Variants in CNOT1 observed in about 807,000 individuals in gnomAD.
The protein encoded by CNOT1 is CCR4-associated factor 1.
Under a neutral mutation model 273.8 loss-of-function variants are expected in CNOT1, and 15 were observed. That is an observed-to-expected ratio of 0.05 (90% CI 0.04 to 0.08). CNOT1 has a LOEUF of 0.08. CNOT1 is among the 10% of genes least tolerant of loss of function. CNOT1 has a pLI of 1.00. For synonymous variants in CNOT1, 1,022 were observed against 1,005.5 expected, an observed-to-expected ratio of 1.02 and a Z score of -0.31; for missense variants, 1,644 against 2,912.2, an observed-to-expected ratio of 0.56 and a Z score of 10.02.
In CNOT1 at chr16:58,565,146, G is replaced by T. The variant is rs182297610; in HGVS notation, c.1980-4784C>A. On this transcript the variant is annotated intron_variant, in intron 16 of 48. Transcript: ENST00000317147. Reference sequence around the variant, plus strand: ...TGTTTTCTTCTTTTTTTGAGACAGGGTCTCACTGTCGCCCAGGCAGGAATG... The same window carrying T: ...TGTTTTCTTCTTTTTTTGAGACAGGTTCTCACTGTCGCCCAGGCAGGAATG... Among the ~76,000 whole-genome samples the T allele has an allele frequency of 1.9e-3, 286 of 152,118 alleles. 4 individuals are homozygous for T. The highest frequency in any genetic ancestry group is 1.5e-3 in the Non-Finnish European group (99 of 67,990).
intron 1 of CNOT1, among the ~76,000 whole-genome samples, chr16:58,606,890 T>C (rs1054696792): frequency 1.3e-5 from 2 of 151,152 alleles, no homozygotes; most frequent in Non-Finnish European, 2.9e-5. Flanking sequence ...AATATAGTTT[T>C]GCCATACATA....
intron 25 of CNOT1, 126 bp downstream of exon 25, chr16:58,549,593 C>T: frequency 7.2e-7 from 1 of 1,384,876 alleles, no homozygotes; most frequent in Non-Finnish European, 9.4e-7. Context: ...ACAAAATCTA[C>T]AGCAATTTCC....
intron 39 of CNOT1, 123 bp downstream of exon 39, chr16:58,536,866 T>C (rs1415541769): frequency 1.3e-5 from 18 of 1,409,808 alleles, no homozygotes; most frequent in Non-Finnish European, 1.7e-5. Flanking sequence ...GATGACAGTT[T>C]GGGTTTGCAT....
At position 58,614,402 on chromosome 16, in the gene CNOT1, T is replaced by C. The variant is rs1373629519; in HGVS notation, c.-174-14891A>G. Among the ~76,000 whole-genome samples, 9 of 125,298 alleles carry C rather than the reference T, an allele frequency of 7.2e-5. 3 individuals are homozygous for C. The highest frequency in any genetic ancestry group is 1.5e-4 in the Non-Finnish European group (8 of 52,600). The allele number at this position is 125,298 out of a possible 152,430, so 82.2% of individuals were successfully genotyped here. A position where few individuals can be genotyped will look rare whatever the true frequency, so the allele number is the denominator to read the frequency against. ...TTATGATGAACACCGGCTTTCTATC[T>C]AGATGAATACCAGCTTTCTGTCTAG... is the stretch of plus-strand genomic sequence containing the variant. On this transcript the variant is annotated intron_variant, in intron 1 of 48. Transcript: ENST00000317147.
intron 13 of CNOT1, among the ~76,000 whole-genome samples, chr16:58,577,067 T>C (rs2041478722): frequency 6.9e-6 from 1 of 145,476 alleles, no homozygotes; most frequent in Non-Finnish European, 1.5e-5. Flanking sequence ...CAAACAAGAA[T>C]CTTTGATTTT....
intron 16 of CNOT1, among the ~76,000 whole-genome samples, chr16:58,570,679 G>T (rs1197976146): frequency 2.6e-5 from 4 of 152,068 alleles, no homozygotes; most frequent in Non-Finnish European, 5.9e-5. Context: ...ATGTATAAAG[G>T]TATAATTTGC....
At chr16:58,574,558 A>T in intron 16 of CNOT1, 51 bp downstream of exon 16, 1 of 1,498,424 alleles carries the variant, frequency 6.7e-7, no homozygotes, top group Non-Finnish European at 8.9e-7. Context: ...GTCTACAATT[A>T]TTCATATAAT....
intron 13 of CNOT1, 75 bp downstream of exon 13, chr16:58,578,624 G>C (rs2041551232): frequency 2.6e-6 from 4 of 1,546,758 alleles, no homozygotes; most frequent in Non-Finnish European, 3.5e-6. Flanking sequence ...AATTTCTCTG[G>C]TTGAGCTTCC....
At chr16:58,582,080 C>G (rs1484586568) in intron 10 of CNOT1, among the ~76,000 whole-genome samples, 3 of 149,598 alleles carry the variant, frequency 2.0e-5, no homozygotes, top group Non-Finnish European at 3.0e-5. Context: ...GAGTTTGAGA[C>G]CAGCCTGACC....
At chr16:58,561,323 G>A (rs892599535) in intron 16 of CNOT1, among the ~76,000 whole-genome samples, 5 of 152,122 alleles carry the variant, frequency 3.3e-5, no homozygotes, top group Non-Finnish European at 7.4e-5. Context: ...CTAGTATATA[G>A]TACAACCAAA....
At position 58,551,835 on chromosome 16, in the gene CNOT1, G is replaced by A. The variant is rs374696118; in HGVS notation, c.2971-16C>T. On this transcript the variant is annotated splice_polypyrimidine_tract_variant and intron_variant, in intron 22 of 48. Coordinates refer to ENST00000317147, the MANE Select transcript of CNOT1 (RefSeq NM_016284.5). ...ACTCAATATACTAAAAGGGTAGGGA[G>A]AGGAAAAAGAGTTAACCTTAATTGC... is the stretch of plus-strand genomic sequence containing the variant. 1.9e-6 allele frequency: 3 copies of A among 1,611,504 alleles called. No homozygotes were observed. The highest frequency in any genetic ancestry group is 2.5e-6 in the Non-Finnish European group (3 of 1,178,350).
At chr16:58,546,281 T>A (rs200170988) in intron 29 of CNOT1, 40 bp downstream of exon 29, 1 of 1,531,948 alleles carries the variant, frequency 6.5e-7, no homozygotes, top group African/African-American at 1.4e-5. Flanking sequence ...GATAGTATCC[T>A]AGCTAACAGA....
chr16:58,538,001 G>T lies in CNOT1; in HGVS notation c.5304C>A (p.Ile1768=). 1 of 1,614,124 alleles carries T rather than the reference G, an allele frequency of 6.2e-7. No homozygotes were observed. The highest frequency in any genetic ancestry group is 8.5e-7 in the Non-Finnish European group (1 of 1,180,026). The change falls in exon 38 of 49, where the codon ATC becomes ATA. Residue 1768 remains isoleucine, a synonymous_variant. Transcript: ENST00000317147. The part of the protein sequence containing the change: ...AVAFAMQLVK[I]LLVDERSVAH... Reference sequence around the variant, plus strand: ...CAACACTCCTTTCATCCACCAGCAGGATTTTTACTAACTGCATAGCAAATG... The same window carrying T: ...CAACACTCCTTTCATCCACCAGCAGTATTTTTACTAACTGCATAGCAAATG...
chr16:58,577,091 CT>C (rs11287356), intron 13 of CNOT1, among the ~76,000 whole-genome samples: 132,677 of 148,182 alleles, frequency 0.9, 59,400 homozygotes, highest in East Asian at 1. Context: ...AATTCCATTT[CT>C]TTTTTTTTTT....
intron 29 of CNOT1, 88 bp from the exon 30 acceptor site, chr16:58,545,579 T>G (rs2040233794): frequency 6.4e-7 from 1 of 1,563,212 alleles, no homozygotes; most frequent in Admixed American, 1.8e-5. Flanking sequence ...GTGGTCATTA[T>G]CTAATTAAAC....
chr16:58,600,082 C>G (rs1039795609), intron 1 of CNOT1, among the ~76,000 whole-genome samples: 8 of 151,950 alleles, frequency 5.3e-5, no homozygotes, highest in African/African-American at 1.7e-4. Context: ...AAAAAATATG[C>G]CTGTAATCCC....
At chr16:58,574,575 C>A (rs2151964772) in intron 16 of CNOT1, 34 bp downstream of exon 16, 1 of 1,536,548 alleles carries the variant, frequency 6.5e-7, no homozygotes, top group Non-Finnish European at 8.7e-7. Flanking sequence ...TAATCCAATT[C>A]AAAAAAAGTC....
intron 16 of CNOT1, among the ~76,000 whole-genome samples, chr16:58,566,929 C>G (rs2041064288): frequency 6.6e-6 from 1 of 152,164 alleles, no homozygotes; most frequent in African/African-American, 2.4e-5. Context: ...CCGCGCCCAG[C>G]CTAGTATCAT....
chr16:58,551,096 AAAG>A (rs1567401327), intron 24 of CNOT1, 33 bp downstream of exon 24: 1 of 1,600,706 alleles, frequency 6.2e-7, no homozygotes, highest in Non-Finnish European at 8.5e-7. Flanking sequence ...ATTAAGGAAA[AAAG>A]AAGGCATTTA....
Sources: gnomAD v4.1 joint callset for allele counts (sites outside exome capture counted in the v4.1 genomes callset) on GRCh38, gnomAD v4.1.1 for gene constraint, MANE v1.5 for transcripts, NCBI Gene and HGNC (gene_info 2026-07-23, HGNC 2026-07-21) for gene names.